Variants in DTWD2 observed in about 807,000 individuals in gnomAD.
The protein encoded by DTWD2 is tRNA-uridine aminocarboxypropyltransferase 2.
A neutral mutation model predicts 31.8 loss-of-function variants in DTWD2; 39 were observed. That is an observed-to-expected ratio of 1.22 (90% CI 0.95 to 1.60). The LOEUF is 1.60. Among genes scored for constraint, DTWD2 ranks in the 40% most tolerant of loss-of-function variants. The pLI is 0.00. For synonymous variants in DTWD2, 180 were observed against 142.8 expected (o/e 1.26, Z -1.86); for missense variants, 515 against 381.5 (o/e 1.35, Z -2.92).
intron 4 of DTWD2, among the ~76,000 whole-genome samples, chr5:118,914,012 CT>C (rs1027723448): frequency 1.3e-5 from 2 of 151,722 alleles, no homozygotes; most frequent in African/African-American, 4.8e-5. Flanking sequence ...AATGCATGAC[CT>C]TTTCTTTGTA....
intron 4 of DTWD2, among the ~76,000 whole-genome samples, chr5:118,904,008 G>A (rs1407284320): frequency 6.6e-6 from 1 of 151,952 alleles, no homozygotes; most frequent in Non-Finnish European, 1.5e-5. Context: ...CATTTTTAAT[G>A]TACACTATAG....
At chr5:118,853,153 C>A (rs950820597) in intron 4 of DTWD2, among the ~76,000 whole-genome samples, 2 of 152,144 alleles carry the variant, frequency 1.3e-5, no homozygotes, top group Admixed American at 1.3e-4. Context: ...ATACCCTAAA[C>A]CTCAGCATCA....
chr5:118,921,853 G>A (rs1753711757), intron 4 of DTWD2, among the ~76,000 whole-genome samples: 1 of 152,106 alleles, frequency 6.6e-6, no homozygotes, highest in African/African-American at 2.4e-5. Flanking sequence ...AAAGAATAAC[G>A]ACGTGTTTGG....
intron 1 of DTWD2, among the ~76,000 whole-genome samples, chr5:118,979,119 A>G (rs925256997): frequency 1.3e-5 from 2 of 152,166 alleles, no homozygotes; most frequent in South Asian, 4.1e-4. Context: ...CCTGGCTAAC[A>G]TGGTGAAACC....
At position 118,913,412 on chromosome 5, in the gene DTWD2, TATATATAG is replaced by T. The variant is rs1329693778; in HGVS notation, c.597+15117_597+15124del. Among the ~76,000 whole-genome samples, 54 of 133,974 alleles carry T rather than the reference TATATATAG, an allele frequency of 4.0e-4. 1 individual carries two copies. The highest frequency in any genetic ancestry group is 1.4e-3 in the Admixed American group (19 of 13,114). The allele number at this position is 133,974 out of a possible 152,430, so 87.9% of individuals were successfully genotyped here. A position where few individuals can be genotyped will look rare whatever the true frequency, so the allele number is the denominator to read the frequency against. On this transcript the variant is annotated intron_variant, in intron 4 of 5. Coordinates refer to ENST00000510708, the MANE Select transcript of DTWD2 (RefSeq NM_173666.4). The stretch of plus-strand genomic sequence containing the variant: ...CCATATATATATAGATATATATAGA[TATATATAG>T]ATATATATATATACACACACACACA...
At chr5:118,867,946 T>C (rs1459691850) in intron 4 of DTWD2, among the ~76,000 whole-genome samples, 1 of 152,142 alleles carries the variant, frequency 6.6e-6, no homozygotes, top group African/African-American at 2.4e-5. Flanking sequence ...ATATGAAATC[T>C]CAATAAACTG....
chr5:118,958,791 G>C (rs938169327), intron 1 of DTWD2, among the ~76,000 whole-genome samples: 8 of 152,084 alleles, frequency 5.3e-5, no homozygotes, highest in African/African-American at 1.4e-4. Flanking sequence ...TACAAGAATG[G>C]TTCAATATAC....
Position 118,954,721 on chromosome 5 carries a change from T to C in DTWD2, c.219-10072A>G, listed in dbSNP as rs114824823. On this transcript the variant is annotated intron_variant, in intron 1 of 5. Coordinates refer to ENST00000510708, the MANE Select transcript of DTWD2 (RefSeq NM_173666.4). ...ATTAATGTTATTTTTGGATTTTTTT[T>C]TGTAGAGGTGAAGTTTCTCAAATTC... is the stretch of plus-strand genomic sequence containing the variant. Among the ~76,000 whole-genome samples the C allele has an allele frequency of 5.0e-3, 756 of 152,220 alleles. 6 individuals are homozygous for C. Among genetic ancestry groups the C allele is most frequent in the African/African-American group, 0.018 (736 of 41,534 alleles).
intron 4 of DTWD2, among the ~76,000 whole-genome samples, chr5:118,877,570 C>A (rs1178773583): frequency 6.6e-6 from 1 of 152,122 alleles, no homozygotes; most frequent in Non-Finnish European, 1.5e-5. Context: ...GACAAACCAG[C>A]AGCCAACATC....
chr5:118,941,905 T>C (rs1234861455), intron 2 of DTWD2, among the ~76,000 whole-genome samples: 1 of 152,238 alleles, frequency 6.6e-6, no homozygotes, highest in East Asian at 1.9e-4. Flanking sequence ...ATTGTGGTTT[T>C]GATTTGCATT....
At chr5:118,969,305 G>C (rs887711822) in intron 1 of DTWD2, among the ~76,000 whole-genome samples, 1 of 152,180 alleles carries the variant, frequency 6.6e-6, no homozygotes, top group Non-Finnish European at 1.5e-5. Flanking sequence ...CCTCAGCTCA[G>C]CACACCCACT....
chr5:118,939,118 A>G, intron 3 of DTWD2, 78 bp downstream of exon 3: 1 of 1,377,018 alleles, frequency 7.3e-7, no homozygotes, highest in Non-Finnish European at 9.7e-7. Flanking sequence ...ATAAGCTGAA[A>G]GAAATAAGCT....
At chr5:118,935,699 C>T (rs540885816) in intron 3 of DTWD2, among the ~76,000 whole-genome samples, 6 of 152,074 alleles carry the variant, frequency 3.9e-5, no homozygotes, top group East Asian at 3.9e-4. Flanking sequence ...CATAATAATA[C>T]GAAATACATA....
rs1271526274 is a variant in DTWD2 at position 118,848,202 on chromosome 5, C to T, written c.614G>A (p.Ser205Asn). 2 of 1,593,892 alleles carry T rather than the reference C, an allele frequency of 1.3e-6. No homozygotes were observed. Among genetic ancestry groups the T allele is most frequent in the African/African-American group, 1.4e-5 (1 of 73,806 alleles). Residue 205 changes from serine (S) to asparagine (N), a missense_variant, in exon 5 of 6, where the codon AGC becomes AAC. Coordinates refer to ENST00000510708, the MANE Select transcript of DTWD2 (RefSeq NM_173666.4). ...RHPKQVQLKTSISSQYVIRMQ... is the reference protein window; with the variant it reads ...RHPKQVQLKTNISSQYVIRMQ... Reference sequence around the variant, plus strand: ...CCGAATTACATACTGACTAGAAATGCTAGTTTTTAATTGCACCTGAAATCA... The same window carrying T: ...CCGAATTACATACTGACTAGAAATGTTAGTTTTTAATTGCACCTGAAATCA...
At chr5:118,880,548 T>C (rs1240506640) in intron 4 of DTWD2, among the ~76,000 whole-genome samples, 1 of 152,186 alleles carries the variant, frequency 6.6e-6, no homozygotes, top group East Asian at 1.9e-4. Flanking sequence ...TCAATTCTCA[T>C]ATATTTGTTG....
chr5:118,846,514 G>C (rs1445118595), intron 5 of DTWD2, among the ~76,000 whole-genome samples: 6 of 152,084 alleles, frequency 3.9e-5, no homozygotes, highest in Non-Finnish European at 8.8e-5. Context: ...CTCAAAATTT[G>C]AACTTTCAAT....
chr5:118,848,791 A>G (rs1410175266), intron 4 of DTWD2, among the ~76,000 whole-genome samples: 2 of 152,228 alleles, frequency 1.3e-5, no homozygotes, highest in Non-Finnish European at 2.9e-5. Flanking sequence ...TTCCCTATTT[A>G]ATAAATGGTG....
intron 4 of DTWD2, among the ~76,000 whole-genome samples, chr5:118,872,707 T>C (rs1752533215): frequency 1.3e-5 from 2 of 152,146 alleles, no homozygotes; most frequent in Admixed American, 6.5e-5. Context: ...ATGAAAAAGT[T>C]TGAAACATTG....
chr5:118,868,836 C>CT (rs1431077869), intron 4 of DTWD2, among the ~76,000 whole-genome samples: 8 of 107,044 alleles, frequency 7.5e-5, no homozygotes, highest in African/African-American at 3.0e-4. Flanking sequence ...GACCCTGTCT[C>CT]TTAAAAAAAA....
Sources: allele counts gnomAD v4.1 joint callset (sites outside exome capture counted in the v4.1 genomes callset), GRCh38; gene constraint gnomAD v4.1.1; transcripts MANE v1.5; gene names NCBI Gene and HGNC (gene_info 2026-07-23, HGNC 2026-07-21).